The following RYR3 variants were observed in gnomAD, a reference collection of about 807,000 sequenced individuals.
The protein encoded by RYR3 is ryanodine receptor 3, also known as brain ryanodine receptor-calcium release channel.
Under a neutral mutation model 584.3 loss-of-function variants are expected in RYR3, and 207 were observed. The observed-to-expected ratio is 0.35, with a 90% CI of 0.32 to 0.40. The LOEUF (loss-of-function observed/expected upper bound fraction) is 0.40, where lower values mean the gene tolerates loss of function less well. Among genes scored for constraint, RYR3 ranks in the 10% least tolerant of loss-of-function variants. The pLI is 1.00. For synonymous variants in RYR3, 2,416 were observed against 2,248.5 expected, an observed-to-expected ratio of 1.07 and a Z score of -2.11; for missense variants, 5,616 against 6,089.2, an observed-to-expected ratio of 0.92 and a Z score of 2.59.
chr15:33,603,400 A>G (rs2059765914), intron 18 of RYR3, 36 bp downstream of exon 18: 1 of 1,488,958 alleles, frequency 6.7e-7, no homozygotes, highest in African/African-American at 1.4e-5. Flanking sequence ...TCATAATCTC[A>G]CTGGAAATGA....
intron 38 of RYR3, among the ~76,000 whole-genome samples, chr15:33,676,300 AC>A (rs927017079): frequency 6.6e-5 from 10 of 151,652 alleles, no homozygotes; most frequent in African/African-American, 2.4e-4. Flanking sequence ...AAAGGATTGC[AC>A]CTTGTCACAC....
intron 27 of RYR3, 92 bp from the exon 28 acceptor site, chr15:33,644,219 C>A (rs2061978764): frequency 1.1e-6 from 1 of 939,510 alleles, no homozygotes; most frequent in Non-Finnish European, 1.6e-6. Context: ...TACTGGGAGT[C>A]AAAGCCCTTA....
chr15:33,375,924 C>T (rs768776572), intron 1 of RYR3, among the ~76,000 whole-genome samples: 5 of 152,128 alleles, frequency 3.3e-5, no homozygotes, highest in East Asian at 1.9e-4. Flanking sequence ...ATTAGCTGGG[C>T]GTGGTGGCGG....
chr15:33,845,057 C>T lies in RYR3; in HGVS notation c.13492C>T (p.Leu4498=). The change falls in exon 93 of 104, where the codon CTG becomes TTG. Residue 4498 remains leucine, a synonymous_variant. Transcript: ENST00000634891. ...AGTCTGTGTGGTGGGCTACTACTGC[C>T]TGAAGGTGAGCTGTTTGCCACTCTG... The part of the protein sequence containing the change: ...SLVCVVGYYC[L]KVPLVVFKRE... 6.2e-7 allele frequency: 1 copy of T among 1,613,880 alleles called. No individual in the cohort carries two copies. The highest frequency in any genetic ancestry group is 8.5e-7 in the Non-Finnish European group (1 of 1,179,850).
chr15:33,631,461 T>TCA (rs1373997874), intron 23 of RYR3, among the ~76,000 whole-genome samples, 168 bp downstream of exon 23: 2 of 152,168 alleles, frequency 1.3e-5, no homozygotes, highest in Non-Finnish European at 2.9e-5. Flanking sequence ...AGAAGCCTGG[T>TCA]GAAGAAGTAT....
intron 31 of RYR3, among the ~76,000 whole-genome samples, chr15:33,650,852 C>A (rs551491994): frequency 6.6e-6 from 1 of 152,294 alleles, no homozygotes; most frequent in East Asian, 1.9e-4. Context: ...CAAGGGTCAG[C>A]TGTATAATTA....
rs746901680 is a variant in RYR3 at position 33,722,876 on chromosome 15, C to A, written c.6781C>A (p.Gln2261Lys). The A allele has an allele frequency of 3.2e-6, 5 of 1,585,264 alleles. No homozygotes were observed. The African/African-American group carries it at 6.8e-5, about 22-fold the overall frequency. ...SENPALDLPSQGYKREVSTGD... is the reference protein window; with the variant it reads ...SENPALDLPSKGYKREVSTGD... ...GAACCCAGCGCTCGACCTCCCCTCTCAAGGATACAAAAGAGAAGTGTAAGT... is the reference window on the plus strand; with the variant it reads ...GAACCCAGCGCTCGACCTCCCCTCTAAAGGATACAAAAGAGAAGTGTAAGT... Residue 2261 changes from glutamine to lysine, a missense_variant, in exon 44 of 104, where the codon CAA becomes AAA. Around this residue, in one of 9 missense-constraint regions of RYR3, gnomAD observed 1,280 missense variants for 1,426.2 expected, o/e 0.90. Transcript: ENST00000634891.
At chr15:33,712,038 G>A (rs1013657959) in intron 43 of RYR3, among the ~76,000 whole-genome samples, 12 of 152,200 alleles carry the variant, frequency 7.9e-5, no homozygotes, top group South Asian at 2.1e-4. Context: ...AGGAAGCATG[G>A]TGCTAGCATC....
chr15:33,748,645 C>T, intron 55 of RYR3, 115 bp downstream of exon 55: 1 of 893,084 alleles, frequency 1.1e-6, no homozygotes, highest in Non-Finnish European at 1.8e-6. Context: ...CACTAAAATT[C>T]AAAACTGAAG....
intron 16 of RYR3, among the ~76,000 whole-genome samples, chr15:33,591,657 G>A (rs1424279030): frequency 6.6e-6 from 1 of 152,088 alleles, no homozygotes. Context: ...TGCCCCTGAA[G>A]CTGCCTTACT....
intron 10 of RYR3, among the ~76,000 whole-genome samples, chr15:33,560,246 T>C (rs761280628): frequency 5.3e-5 from 8 of 152,170 alleles, no homozygotes; most frequent in Admixed American, 5.2e-4. Flanking sequence ...TAGGGTTGCA[T>C]TGGGTTGTTT....
chr15:33,447,342 G>C (rs2046754009), intron 1 of RYR3, among the ~76,000 whole-genome samples: 1 of 152,070 alleles, frequency 6.6e-6, no homozygotes, highest in Non-Finnish European at 1.5e-5. Context: ...GGGATAACTG[G>C]GTATGAACTG....
chr15:33,594,022 C>T (rs677466), intron 16 of RYR3, among the ~76,000 whole-genome samples: 67,642 of 151,968 alleles, frequency 0.45, 15,540 homozygotes, highest in East Asian at 0.79. Context: ...GAATTTGTAC[C>T]ATCAAATACC....
In RYR3 at chr15:33,659,622, CATTGGAATGAGATTGTTGACCA is replaced by C. The variant is rs1313654755; in HGVS notation, c.4309-96_4309-75del. ...GGAGAATGACCAGACAGCTAGCAGT[CATTGGAATGAGATTGTTGACCA>C]AAACACCCAATGGCTGAGCCAGCTG... On this transcript the variant is annotated intron_variant, in intron 32 of 103. Transcript: ENST00000634891. 4.0e-6 allele frequency: 3 copies of C among 751,214 alleles called. No individual in the cohort carries two copies. In the East Asian group the frequency reaches 7.7e-5, roughly 19 times the overall value. 46.5% of individuals were successfully genotyped at this position (751,214 alleles called of 1,614,324 possible). A position where few individuals can be genotyped will look rare whatever the true frequency, so the allele number is the denominator to read the frequency against.
rs548708874 is a variant in RYR3 at position 33,645,289 on chromosome 15, A to G, written c.3765+770A>G. On this transcript the variant is annotated intron_variant, in intron 28 of 103. Transcript: ENST00000634891. ...CTAAGACTTGCCTCTGTTTTGGTTCACAGACTATGGTTTTTCCATGGTGGA... is the reference window on the plus strand; with the variant it reads ...CTAAGACTTGCCTCTGTTTTGGTTCGCAGACTATGGTTTTTCCATGGTGGA... Among the ~76,000 whole-genome samples the G allele has an allele frequency of 3.3e-5, 5 of 152,308 alleles. No individual in the cohort carries two copies. The East Asian group carries it at 9.6e-4, about 29-fold the overall frequency.
At position 33,562,943 on chromosome 15, in the gene RYR3, G is replaced by C; in HGVS notation, c.1079G>C (p.Ser360Thr). 2 of 1,613,814 alleles carry C rather than the reference G, an allele frequency of 1.2e-6. No individual in the cohort carries two copies. Among genetic ancestry groups the C allele is most frequent in the Non-Finnish European group, 1.7e-6 (2 of 1,179,746 alleles). The change falls in exon 11 of 104, where the codon AGT (serine) becomes ACT (threonine). Residue 360 changes from serine (S) to threonine (T), a missense_variant. Physicochemically the swap from Ser to Thr is moderately conservative, Grantham distance 58 (BLOSUM62 1). Around this residue, in one of 9 missense-constraint regions of RYR3, gnomAD observed 1,284 missense variants for 1,344.6 expected, o/e 0.95. Coordinates refer to ENST00000634891, the MANE Select transcript of RYR3 (RefSeq NM_001036.6). ...DSVCFVQHIA[S>T]GLWVTYKAQD... ...GTCTGCTTTGTGCAGCATATAGCCA[G>C]TGGTCTGTGGGTGACCTACAAAGCA... is the stretch of plus-strand genomic sequence containing the variant.
rs193212407 is a variant in RYR3, at chr15:33,524,093, C to T, written c.280-6499C>T. On this transcript the variant is annotated intron_variant, in intron 3 of 103. Transcript: ENST00000634891. ...AAAATGCTCGATTTCATTAAACACA[C>T]GTACCATGTTGTTGCACTACCCCCC... is the stretch of plus-strand genomic sequence containing the variant. Among the ~76,000 whole-genome samples the T allele has an allele frequency of 3.9e-5, 6 of 152,248 alleles. No individual in the cohort carries two copies. In the East Asian group the frequency reaches 5.8e-4, roughly 15 times the overall value.
At chr15:33,332,652 A>G (rs1252335151) in intron 1 of RYR3, among the ~76,000 whole-genome samples, 3 of 152,152 alleles carry the variant, frequency 2.0e-5, no homozygotes, top group Non-Finnish European at 2.9e-5. Flanking sequence ...AGATACCTTG[A>G]AAAAAACCTG....
intron 1 of RYR3, among the ~76,000 whole-genome samples, chr15:33,340,694 G>A (rs112562009): frequency 3.9e-5 from 6 of 151,996 alleles, no homozygotes; most frequent in African/African-American, 1.5e-4. Flanking sequence ...ATTGGATTAG[G>A]GCTCCACCCT....
Sources: gnomAD v4.1 joint callset for allele counts (sites outside exome capture counted in the v4.1 genomes callset) on GRCh38, gnomAD v4.1.1 for gene constraint, gnomAD v4.1.1 regional missense constraint, MANE v1.5 for transcripts, NCBI Gene and HGNC (gene_info 2026-07-23, HGNC 2026-07-21) for gene names.